KAZN: variants seen among roughly 807,000 people sequenced by gnomAD.
KAZN encodes kazrin.
Under a neutral mutation model 87.4 loss-of-function variants are expected in KAZN, and 40 were observed. That is an observed-to-expected ratio of 0.46 (90% CI 0.36 to 0.60). The LOEUF (loss-of-function observed/expected upper bound fraction) is 0.60. Ranked by LOEUF, KAZN falls within the 20% of genes least tolerant of loss-of-function variation. The pLI, the probability that KAZN is intolerant of heterozygous loss-of-function variation, is 0.00. For missense variants in KAZN, 898 were observed against 1,073.9 expected, an observed-to-expected ratio of 0.84 and a Z score of 2.29; for synonymous variants, 466 against 458.3, an observed-to-expected ratio of 1.02 and a Z score of -0.22.
At chr1:15,057,731 G>T (rs1638419573) in intron 5 of KAZN, among the ~76,000 whole-genome samples, 1 of 152,234 alleles carries the variant, frequency 6.6e-6, no homozygotes, top group Admixed American at 6.5e-5. Context: ...GCCACCACTT[G>T]TTCAGAGTCT....
chr1:14,403,206 A>C (rs1663565793), intron 2 of KAZN, among the ~76,000 whole-genome samples: 2 of 152,230 alleles, frequency 1.3e-5, no homozygotes, highest in Non-Finnish European at 2.9e-5. Context: ...ACCTTTACAA[A>C]TGGTGCTGGG....
intron 2 of KAZN, among the ~76,000 whole-genome samples, chr1:14,415,593 C>T (rs1239128339): frequency 6.6e-6 from 1 of 152,164 alleles, no homozygotes; most frequent in Admixed American, 6.5e-5. Context: ...GGAATGCAGC[C>T]ATCAACCAGT....
chr1:14,306,367 C>T (rs1428989506), intron 2 of KAZN, among the ~76,000 whole-genome samples: 1 of 152,182 alleles, frequency 6.6e-6, no homozygotes, highest in East Asian at 1.9e-4. Flanking sequence ...TTGGCCATTG[C>T]TTTGTGATCC....
chr1:14,260,028 G>A (rs187313596), intron 2 of KAZN, among the ~76,000 whole-genome samples: 151 of 152,162 alleles, frequency 9.9e-4, no homozygotes, highest in Non-Finnish European at 1.9e-3. Flanking sequence ...TTTCTGAGTT[G>A]GCTGTTATCA....
chr1:14,388,126 G>A (rs2101077333), intron 2 of KAZN, among the ~76,000 whole-genome samples: 2 of 152,326 alleles, frequency 1.3e-5, no homozygotes, highest in South Asian at 4.1e-4. Flanking sequence ...GGAACTCCCT[G>A]ATCCCTTGCG....
chr1:14,697,157 A>G (rs1199518879), intron 1 of KAZN, among the ~76,000 whole-genome samples: 3 of 123,952 alleles, frequency 2.4e-5, no homozygotes, highest in Non-Finnish European at 3.5e-5. Context: ...AAAAAAAAAA[A>G]GAAAAGAAAA....
intron 1 of KAZN, among the ~76,000 whole-genome samples, chr1:13,906,425 C>T (rs1321498151): frequency 1.3e-5 from 2 of 152,062 alleles, no homozygotes; most frequent in Admixed American, 6.5e-5. Flanking sequence ...GATGTTGAGG[C>T]GTAGGTGCTT....
intron 2 of KAZN, among the ~76,000 whole-genome samples, chr1:14,472,662 T>A (rs1203278338): frequency 6.6e-6 from 1 of 151,812 alleles, no homozygotes; most frequent in South Asian, 2.1e-4. Flanking sequence ...TTTTTTTCCT[T>A]CACAATTTGC....
intron 1 of KAZN, among the ~76,000 whole-genome samples, chr1:14,045,289 G>A (rs1187365565): frequency 6.6e-6 from 1 of 152,200 alleles, no homozygotes; most frequent in Non-Finnish European, 1.5e-5. Flanking sequence ...AGTGGCTTCA[G>A]TATATACCTG....
At chr1:14,960,453 G>C (rs374471353) in intron 1 of KAZN, among the ~76,000 whole-genome samples, 1 of 152,164 alleles carries the variant, frequency 6.6e-6, no homozygotes, top group Non-Finnish European at 1.5e-5. Flanking sequence ...TGGAGTCCTC[G>C]GGAGTCGTGG....
intron 1 of KAZN, among the ~76,000 whole-genome samples, chr1:13,907,608 C>G (rs1446664752): frequency 1.3e-5 from 2 of 152,178 alleles, no homozygotes; most frequent in Non-Finnish European, 2.9e-5. Flanking sequence ...GGAGGAAATT[C>G]TAAAGGTAAC....
At chr1:14,250,629 T>C (rs1374250473) in intron 2 of KAZN, among the ~76,000 whole-genome samples, 1 of 151,648 alleles carries the variant, frequency 6.6e-6, no homozygotes, top group Non-Finnish European at 1.5e-5. Flanking sequence ...ATGTGGAAAA[T>C]GAATATATTT....
intron 1 of KAZN, among the ~76,000 whole-genome samples, chr1:14,883,877 G>A (rs972245920): frequency 6.6e-6 from 1 of 152,220 alleles, no homozygotes; most frequent in African/African-American, 2.4e-5. Context: ...GGGATAGGAA[G>A]CTCTATTGTA....
chr1:14,414,360 A>C (rs1265363894), intron 2 of KAZN, among the ~76,000 whole-genome samples: 1 of 152,054 alleles, frequency 6.6e-6, no homozygotes. Context: ...AAAAAAAAAA[A>C]AAACCTTTTA....
At chr1:15,102,171 A>G (rs1235923363) in intron 11 of KAZN, among the ~76,000 whole-genome samples, 2 of 152,174 alleles carry the variant, frequency 1.3e-5, no homozygotes, top group Non-Finnish European at 2.9e-5. Flanking sequence ...GGTTTTATGA[A>G]TACCCAGAGA....
At chr1:14,745,034 T>A (rs749897197) in intron 1 of KAZN, among the ~76,000 whole-genome samples, 3 of 152,028 alleles carry the variant, frequency 2.0e-5, no homozygotes, top group Non-Finnish European at 4.4e-5. Context: ...GAAGTTCAAG[T>A]GGCAGGAGAT....
intron 1 of KAZN, among the ~76,000 whole-genome samples, chr1:14,713,212 T>G (rs1426888475): frequency 1.3e-5 from 2 of 151,150 alleles, no homozygotes; most frequent in South Asian, 2.1e-4. Context: ...GATCCTGAGG[T>G]GCAAGAGAGG....
intron 1 of KAZN, among the ~76,000 whole-genome samples, chr1:14,090,060 T>C (rs1643940976): frequency 1.3e-5 from 2 of 152,170 alleles, no homozygotes; most frequent in South Asian, 2.1e-4. Context: ...TTTATTATCA[T>C]TGCCTTTCTG....
At chr1:14,973,301 G>C (rs548989531) in intron 2 of KAZN, among the ~76,000 whole-genome samples, 15 of 152,324 alleles carry the variant, frequency 9.8e-5, no homozygotes. Flanking sequence ...CTGTGAGCAT[G>C]TTAGGAATAA....
Sources: gnomAD v4.1 joint callset for allele counts (sites outside exome capture counted in the v4.1 genomes callset) on GRCh38, gnomAD v4.1.1 for gene constraint, MANE v1.5 for transcripts, NCBI Gene and HGNC (gene_info 2026-07-23, HGNC 2026-07-21) for gene names.